KLF8: variants seen among roughly 807,000 people sequenced by gnomAD.
The protein encoded by KLF8 is KLF transcription factor 8, also known as Krueppel-like factor 8.
In KLF8, 10 loss-of-function variants were observed where a neutral mutation model predicts 18.2. That is an observed-to-expected ratio of 0.55 (90% confidence interval 0.34 to 0.93). The LOEUF is 0.93. Among genes scored for constraint, KLF8 ranks in the 40% least tolerant of loss-of-function variants. The pLI is 0.02. For synonymous variants in KLF8, 109 were observed against 97.3 expected (o/e 1.12, Z -0.71); for missense variants, 264 against 277.9 (o/e 0.95, Z 0.36).
the KLF8 span, among the ~76,000 whole-genome samples, chrX:56,192,101 G>T: frequency 9.0e-6 from 1 of 111,645 alleles, no homozygotes; most frequent in Non-Finnish European, 1.9e-5. Flanking sequence ...AAAACTATAA[G>T]AACTGATAAA....
In KLF8 at chrX:56,265,542, T is replaced by C. The variant is rs753911616; in HGVS notation, c.444T>C (p.Ser148=). The C allele has an allele frequency of 3.3e-6, 4 of 1,209,722 alleles. No homozygotes were observed. The African/African-American group carries it at 7.0e-5, about 21-fold the overall frequency. The change falls in exon 3 of 6, where the codon TCT becomes TCC. Residue 148 remains serine, a synonymous_variant. Coordinates refer to ENST00000468660, the MANE Select transcript of KLF8 (RefSeq NM_007250.5). ...CCCCAGGCTCTGTCCTGACCTCCTCTCAGAGCACTGGTAGCCAGCAGATCT... is the reference window on the plus strand; with the variant it reads ...CCCCAGGCTCTGTCCTGACCTCCTCCCAGAGCACTGGTAGCCAGCAGATCT... The part of the protein sequence containing the change: ...VLTPGSVLTS[S]QSTGSQQILH...
At chrX:55,978,483 T>G in the KLF8 span, among the ~76,000 whole-genome samples, 1 of 112,284 alleles carries the variant, frequency 8.9e-6, no homozygotes, top group African/African-American at 3.2e-5. Context: ...GTTTTCTGAT[T>G]TCTTTTTTTG....
chrX:56,078,883 G>T, the KLF8 span, among the ~76,000 whole-genome samples: 10 of 111,154 alleles, frequency 9.0e-5, no homozygotes, highest in Admixed American at 8.5e-4. Context: ...GAGTGTATGT[G>T]TCCAGGAATT....
At chrX:56,198,905 G>A in the KLF8 span, among the ~76,000 whole-genome samples, 1 of 111,412 alleles carries the variant, frequency 9.0e-6, no homozygotes, top group South Asian at 3.8e-4. Flanking sequence ...TAGACCAAAG[G>A]AACAGAACAG....
At chrX:55,998,445 C>T in the KLF8 span, among the ~76,000 whole-genome samples, 1 of 112,541 alleles carries the variant, frequency 8.9e-6, no homozygotes, top group Non-Finnish European at 1.9e-5. Context: ...CGGCCTTCCG[C>T]AGTTTTTGTG....
At chrX:56,020,578 G>A in the KLF8 span, among the ~76,000 whole-genome samples, 1 of 111,783 alleles carries the variant, frequency 8.9e-6, no homozygotes, top group African/African-American at 3.3e-5. Flanking sequence ...GCAATGGAGT[G>A]AAGAATGGTG....
chrX:56,112,749 C>A, the KLF8 span, among the ~76,000 whole-genome samples: 9 of 112,235 alleles, frequency 8.0e-5, no homozygotes, highest in African/African-American at 2.9e-4. Flanking sequence ...TTTGTATCCC[C>A]TCTAGTGAAA....
the KLF8 span, among the ~76,000 whole-genome samples, chrX:56,176,045 T>A: frequency 8.9e-6 from 1 of 112,000 alleles, no homozygotes; most frequent in Non-Finnish European, 1.9e-5. Flanking sequence ...TCTTGACTCT[T>A]TATCCATTTT....
chrX:56,075,124 C>A, the KLF8 span, among the ~76,000 whole-genome samples: 4 of 109,769 alleles, frequency 3.6e-5, no homozygotes, highest in Non-Finnish European at 5.7e-5. Context: ...TTTTGTTTTC[C>A]CTTTCTAATT....
At chrX:55,943,457 T>C in the KLF8 span, among the ~76,000 whole-genome samples, 1 of 111,386 alleles carries the variant, frequency 9.0e-6, no homozygotes, top group African/African-American at 3.3e-5. Flanking sequence ...TTGATGAGTC[T>C]ATTCATGGCG....
chrX:56,233,294 G>T lies in KLF8; in HGVS notation c.-41G>T. On this transcript the variant is annotated 5_prime_UTR_variant, in exon 1 of 6. Transcript: ENST00000468660. ...CAGGAGTATGAGCCTCCCGGAGGAC[G>T]GCATGAGTTCTGGACACTTCAGGAG... 8.3e-7 allele frequency: 1 copy of T among 1,207,210 alleles called. No individual in the cohort carries two copies. Among genetic ancestry groups the T allele is most frequent in the Non-Finnish European group, 1.1e-6 (1 of 891,847 alleles).
chrX:56,175,537 T>A, the KLF8 span, among the ~76,000 whole-genome samples: 2 of 111,853 alleles, frequency 1.8e-5, no homozygotes, highest in African/African-American at 6.5e-5. Flanking sequence ...AATTTTGGAA[T>A]AAGTACAGTG....
chrX:56,114,360 G>A, the KLF8 span, among the ~76,000 whole-genome samples: 1 of 112,878 alleles, frequency 8.9e-6, no homozygotes, highest in Non-Finnish European at 1.9e-5. Flanking sequence ...CTGTGCTTGG[G>A]ACCCAAGGAC....
intron 2 of KLF8, among the ~76,000 whole-genome samples, chrX:56,254,035 G>A (rs2066754817): frequency 9.2e-6 from 1 of 108,811 alleles, no homozygotes; most frequent in African/African-American, 3.4e-5. Flanking sequence ...CCCAAAGTGT[G>A]TCAACAGTGA....
chrX:56,145,398 G>C, the KLF8 span, among the ~76,000 whole-genome samples: 1 of 112,175 alleles, frequency 8.9e-6, no homozygotes, highest in African/African-American at 3.2e-5. Context: ...GTGGAAAATA[G>C]TTTGGAAGTC....
chrX:56,097,464 G>C, the KLF8 span, among the ~76,000 whole-genome samples: 1 of 107,141 alleles, frequency 9.3e-6, no homozygotes, highest in Non-Finnish European at 1.9e-5. Flanking sequence ...CAGGTAGCTG[G>C]GATTACATGT....
the KLF8 span, among the ~76,000 whole-genome samples, chrX:56,180,633 A>C: frequency 1.8e-5 from 2 of 109,713 alleles, no homozygotes; most frequent in African/African-American, 6.6e-5. Flanking sequence ...ACTGCTTTAA[A>C]TGTGTCCCCG....
chrX:56,142,962 C>T, the KLF8 span, among the ~76,000 whole-genome samples: 2 of 111,932 alleles, frequency 1.8e-5, no homozygotes, highest in Admixed American at 1.9e-4. Context: ...TGTCCCTGGC[C>T]TAACGTGACA....
the KLF8 span, among the ~76,000 whole-genome samples, chrX:56,130,722 A>G: frequency 8.9e-6 from 1 of 112,219 alleles, no homozygotes; most frequent in Non-Finnish European, 1.9e-5. Flanking sequence ...GAAGCACCAG[A>G]GAAAAATGAA....
Sources: allele counts gnomAD v4.1 joint callset (sites outside exome capture counted in the v4.1 genomes callset), GRCh38; gene constraint gnomAD v4.1.1; transcripts MANE v1.5; gene names NCBI Gene and HGNC (gene_info 2026-07-23, HGNC 2026-07-21).